Variants in AGAP1 observed in about 807,000 individuals in gnomAD.
AGAP1 encodes the protein ArfGAP with GTPase domain, ankyrin repeat and PH domain 1.
A neutral mutation model predicts 105.3 loss-of-function variants in AGAP1; 29 were observed. The ratio of observed to expected loss-of-function variants is 0.28; its 90% CI spans 0.21 to 0.38. AGAP1 has a LOEUF of 0.38. Ranked by LOEUF, AGAP1 falls within the 10% of genes least tolerant of loss-of-function variation. The pLI is 1.00. For synonymous variants in AGAP1, 509 were observed against 485.9 expected, an observed-to-expected ratio of 1.05 and a Z score of -0.63; for missense variants, 998 against 1,165.1, an observed-to-expected ratio of 0.86 and a Z score of 2.09.
intron 10 of AGAP1, among the ~76,000 whole-genome samples, chr2:235,898,293 T>TC (rs2050902951): frequency 6.6e-6 from 1 of 152,176 alleles, no homozygotes; most frequent in Non-Finnish European, 1.5e-5. Context: ...CTTTTGTTTT[T>TC]CCCCCTTCTT....
intron 1 of AGAP1, among the ~76,000 whole-genome samples, chr2:235,528,998 A>G (rs7595341): frequency 0.85 from 129,442 of 152,218 alleles, 55,309 homozygotes; most frequent in East Asian, 0.98. Flanking sequence ...TTTTGTGATC[A>G]TTGTCTGGCT....
rs561363186 is a variant in AGAP1 at position 235,691,410 on chromosome 2, G to C, written c.164-17769G>C. Among the ~76,000 whole-genome samples, 160 of 152,346 alleles carry C rather than the reference G, an allele frequency of 1.1e-3. 1 individual carries two copies. Among genetic ancestry groups the C allele is most frequent in the Non-Finnish European group, 1.8e-3 (122 of 68,036 alleles). On this transcript the variant is annotated intron_variant, in intron 1 of 17. Transcript: ENST00000304032. This position sits in a 1 kb window ranked among gnomAD's most constrained non-coding sequence, Gnocchi z 4.4. ...AGGAATTGTTACACGTCTCCGTTGC[G>C]AGAAGCAAAAGTAGATTTAACACAT...
chr2:236,130,814 G>A lies in AGAP1; in HGVS notation c.*6692G>A, dbSNP rs1264654960. 2 of 152,566 alleles carry A rather than the reference G, an allele frequency of 1.3e-5. No individual in the cohort carries two copies. Among genetic ancestry groups the A allele is most frequent in the South Asian group, 4.1e-4 (2 of 4,836 alleles). 9.5% of individuals were successfully genotyped at this position (152,566 alleles called of 1,614,324 possible). On this transcript the variant is annotated 3_prime_UTR_variant, in exon 18 of 18. Coordinates refer to ENST00000304032, the MANE Select transcript of AGAP1 (RefSeq NM_001037131.3). This position sits in a 1 kb window ranked among gnomAD's most constrained non-coding sequence, Gnocchi z 5.8. ...TGGGTTCTCAGGGTAGGAGAACAGA[G>A]AAGGCTCCAAGGGTGTTGGGAGTGA...
At chr2:235,952,934 G>C (rs187271591) in intron 12 of AGAP1, among the ~76,000 whole-genome samples, 2 of 152,300 alleles carry the variant, frequency 1.3e-5, no homozygotes, top group African/African-American at 4.8e-5. Flanking sequence ...CCAGAGTATT[G>C]CTCTGTGACC....
At position 235,610,165 on chromosome 2, in the gene AGAP1, C is replaced by A. The variant is rs1946079150; in HGVS notation, c.164-99014C>A. On this transcript the variant is annotated intron_variant, in intron 1 of 17. Transcript: ENST00000304032. The surrounding 1 kb of genome is among the most constrained non-coding windows in gnomAD (Gnocchi z 4.9). Reference sequence around the variant, plus strand: ...TCCAGCCCAGCTCCTGGCTTCTGATCTGTGTTGACTGCTACCCGATAGAGC... The same window carrying A: ...TCCAGCCCAGCTCCTGGCTTCTGATATGTGTTGACTGCTACCCGATAGAGC... Among the ~76,000 whole-genome samples the A allele has an allele frequency of 6.6e-6, 1 of 152,178 alleles. No homozygotes were observed. The highest frequency in any genetic ancestry group is 1.5e-5 in the Non-Finnish European group (1 of 68,040).
Position 235,494,714 on chromosome 2 carries a change from T to A in AGAP1, c.28T>A (p.Ser10Thr). 1 of 1,552,286 alleles carries A rather than the reference T, an allele frequency of 6.4e-7. No homozygotes were observed. Among genetic ancestry groups the A allele is most frequent in the Non-Finnish European group, 8.7e-7 (1 of 1,149,214 alleles). The part of the protein sequence containing the change: MNYQQQLAN[S>T]AAIRAEIQRF... ...GAACTACCAGCAGCAGCTGGCCAACTCGGCTGCCATCCGGGCCGAGATCCA... is the reference window on the plus strand; with the variant it reads ...GAACTACCAGCAGCAGCTGGCCAACACGGCTGCCATCCGGGCCGAGATCCA... The change falls in exon 1 of 18, where the codon TCG becomes ACG. Residue 10 changes from serine (S) to threonine (T), a missense_variant. By Grantham distance (58) the Ser-to-Thr change is moderately conservative. Around this residue, in one of 3 missense-constraint regions of AGAP1, gnomAD observed 735 missense variants for 833.4 expected, o/e 0.88. Coordinates refer to ENST00000304032, the MANE Select transcript of AGAP1 (RefSeq NM_001037131.3).
intron 13 of AGAP1, among the ~76,000 whole-genome samples, chr2:236,008,059 G>T (rs1011130706): frequency 6.6e-6 from 1 of 152,256 alleles, no homozygotes; most frequent in African/African-American, 2.4e-5. Context: ...CTGTGTGTGT[G>T]TTTTCAATTT....
At position 236,035,582 on chromosome 2, in the gene AGAP1, C is replaced by T. The variant is rs1043110453; in HGVS notation, c.1646-979C>T. 1.3e-5 allele frequency among the ~76,000 whole-genome samples: 2 copies of T among 152,186 alleles called. No homozygotes were observed. The highest frequency in any genetic ancestry group is 2.9e-5 in the Non-Finnish European group (2 of 68,038). The stretch of plus-strand genomic sequence containing the variant: ...GAAGATATAATGAGCTGTGATTGCA[C>T]CATGGCACTCCAGCTTGGACAACAA... On this transcript the variant is annotated intron_variant, in intron 13 of 17. Transcript: ENST00000304032. The surrounding 1 kb of genome is among the most constrained non-coding windows in gnomAD (Gnocchi z 4.2).
rs1365042987 is a variant in AGAP1 at position 236,105,657 on chromosome 2, A to G, written c.2115-14535A>G. On this transcript the variant is annotated intron_variant, in intron 16 of 17. Coordinates refer to ENST00000304032, the MANE Select transcript of AGAP1 (RefSeq NM_001037131.3). This position sits in a 1 kb window ranked among gnomAD's most constrained non-coding sequence, Gnocchi z 4.2. Reference sequence around the variant, plus strand: ...TGCAACCTCCGCCTCCCGGGTTCACACCATTCTCCCGCGTTCACGCCATTC... The same window carrying G: ...TGCAACCTCCGCCTCCCGGGTTCACGCCATTCTCCCGCGTTCACGCCATTC... Among the ~76,000 whole-genome samples the G allele has an allele frequency of 1.4e-5, 2 of 147,932 alleles. No homozygotes were observed. The highest frequency in any genetic ancestry group is 2.5e-5 in the African/African-American group (1 of 39,598).
At chr2:235,706,900 G>C (rs566873140) in intron 1 of AGAP1, among the ~76,000 whole-genome samples, 4 of 152,298 alleles carry the variant, frequency 2.6e-5, no homozygotes, top group South Asian at 4.1e-4. Context: ...GTCGATAACA[G>C]AAAGAAGTGT....
rs80324398 is a variant in AGAP1, at chr2:235,839,604, G to A, written c.1050+32273G>A. Among the ~76,000 whole-genome samples, 1,119 of 152,304 alleles carry A rather than the reference G, an allele frequency of 7.3e-3. 7 individuals are homozygous for A. Among genetic ancestry groups the A allele is most frequent in the Non-Finnish European group, 0.012 (809 of 68,036 alleles). ...CCCCATCTTAAAAACAAAACGTGAT[G>A]TTGGAGGAGCCAGACTCTAGGCTTT... On this transcript the variant is annotated intron_variant, in intron 9 of 17. Transcript: ENST00000304032.
chr2:235,710,959 C>T (rs779507088), intron 2 of AGAP1, among the ~76,000 whole-genome samples: 12 of 152,132 alleles, frequency 7.9e-5, no homozygotes, highest in Middle Eastern at 3.2e-3. Context: ...GGGATAGGTA[C>T]GGTTATCCCC....
intron 9 of AGAP1, chr2:235,852,841 C>CT: frequency 4.1e-6 from 6 of 1,472,138 alleles, no homozygotes; most frequent in Non-Finnish European, 5.4e-6. Context: ...TGTCCGGGGC[C>CT]ATGATGAATT....
At chr2:236,106,266 A>C (rs2059487912) in intron 16 of AGAP1, among the ~76,000 whole-genome samples, 1 of 152,260 alleles carries the variant, frequency 6.6e-6, no homozygotes, top group Non-Finnish European at 1.5e-5. Flanking sequence ...CCGTTGGTCC[A>C]TCTGCAGAGC....
At chr2:235,890,889 G>A (rs1384631772) in intron 10 of AGAP1, among the ~76,000 whole-genome samples, 2 of 142,646 alleles carry the variant, frequency 1.4e-5, no homozygotes, top group African/African-American at 2.6e-5. Context: ...GATTTCTAAG[G>A]AAAACGCTGT....
chr2:235,554,087 A>T (rs570406039), intron 1 of AGAP1, among the ~76,000 whole-genome samples: 1 of 152,338 alleles, frequency 6.6e-6, no homozygotes, highest in African/African-American at 2.4e-5. Context: ...GCTCTGGGGA[A>T]AGTGATCTTC....
rs1953359716 is a variant in AGAP1 at position 235,750,783 on chromosome 2, C to T, written c.673+295C>T. ...ATAGAACATTTCTTGAGCTGTTACT[C>T]ATCCATGTGCTCTGTAAAACTTGTT... On this transcript the variant is annotated intron_variant, in intron 6 of 17. Coordinates refer to ENST00000304032, the MANE Select transcript of AGAP1 (RefSeq NM_001037131.3). The surrounding 1 kb of genome is among the most constrained non-coding windows in gnomAD (Gnocchi z 5.3). Among the ~76,000 whole-genome samples, 2 of 152,156 alleles carry T rather than the reference C, an allele frequency of 1.3e-5. No homozygotes were observed. Among genetic ancestry groups the T allele is most frequent in the East Asian group, 3.9e-4 (2 of 5,186 alleles).
intron 9 of AGAP1, chr2:235,852,735 C>T (rs2048526090): frequency 6.5e-7 from 1 of 1,540,048 alleles, no homozygotes; most frequent in Non-Finnish European, 8.8e-7. Flanking sequence ...TATCTCAGGC[C>T]TGCTGGAGCC....
rs564775790 is a variant in AGAP1 at position 235,833,947 on chromosome 2, A to AT, written c.1050+26624dup. On this transcript the variant is annotated intron_variant, in intron 9 of 17. Transcript: ENST00000304032. Reference sequence around the variant, plus strand: ...ATCTCACATATTTTGTAAAACTCACATTTTTTTTGTAAAAAAAAAAAAAGC... The same window carrying AT: ...ATCTCACATATTTTGTAAAACTCACATTTTTTTTTGTAAAAAAAAAAAAAGC... 4.5e-5 allele frequency among the ~76,000 whole-genome samples: 6 copies of AT among 132,972 alleles called. No individual in the cohort carries two copies. In the South Asian group the frequency reaches 6.8e-4, roughly 15 times the overall value. The allele number at this position is 132,972 out of a possible 152,430, so 87.2% of individuals were successfully genotyped here. A position where few individuals can be genotyped will look rare whatever the true frequency, so the allele number is the denominator to read the frequency against.
Sources: gnomAD v4.1 joint callset for allele counts (sites outside exome capture counted in the v4.1 genomes callset) on GRCh38, gnomAD v4.1.1 for gene constraint, gnomAD v4.1.1 regional missense constraint, Gnocchi (gnomAD v3.1) non-coding constraint, MANE v1.5 for transcripts, NCBI Gene and HGNC (gene_info 2026-07-23, HGNC 2026-07-21) for gene names.